EFCAB5: variants seen among roughly 807,000 people sequenced by gnomAD.
The protein encoded by EFCAB5 is EF-hand calcium-binding domain-containing protein 5.
Under a neutral mutation model 167.9 loss-of-function variants are expected in EFCAB5, and 131 were observed. The observed-to-expected ratio is 0.78, with a 90% CI of 0.68 to 0.90. The LOEUF (loss-of-function observed/expected upper bound fraction) is 0.90, where lower values mean the gene tolerates loss of function less well. EFCAB5 is among the 40% of genes least tolerant of loss of function. The pLI, the probability that EFCAB5 is intolerant of heterozygous loss-of-function variation, is 0.00. For missense variants in EFCAB5, 1,663 were observed against 1,745.2 expected (o/e 0.95, Z 0.84); for synonymous variants, 574 against 602.8 (o/e 0.95, Z 0.70).
chr17:30,089,575 T>C lies in EFCAB5; in HGVS notation c.3684-846T>C, dbSNP rs139255109. 1.7e-3 allele frequency among the ~76,000 whole-genome samples: 252 copies of C among 152,120 alleles called. 3 individuals carry two copies. The highest frequency in any genetic ancestry group is 0.016 in the Admixed American group (239 of 15,282). On this transcript the variant is annotated intron_variant, in intron 19 of 22. Transcript: ENST00000394835. ...ACCACATTTCCATGAAAATCTCAAG[T>C]CTCTCACTGAGGCAGATGCTATAGA...
chr17:29,992,019 CA>C (rs2068431571), intron 4 of EFCAB5, among the ~76,000 whole-genome samples: 1 of 152,098 alleles, frequency 6.6e-6, no homozygotes, highest in South Asian at 2.1e-4. Flanking sequence ...AAATACATAT[CA>C]TTTTTTTGTG....
intron 7 of EFCAB5, among the ~76,000 whole-genome samples, chr17:30,024,121 T>C (rs1406411465): frequency 6.6e-6 from 1 of 152,032 alleles, no homozygotes; most frequent in Non-Finnish European, 1.5e-5. Flanking sequence ...AAAACTGGCA[T>C]AAGACAGGGA....
Position 29,994,059 on chromosome 17 carries a change from A to G in EFCAB5, c.924+738A>G, listed in dbSNP as rs1163030591. ...GTCGAAGCTGCACTGAGCCATGATC[A>G]TGCCACTGCACTCCAGCCTGGGGAA... On this transcript the variant is annotated intron_variant, in intron 5 of 22. Coordinates refer to ENST00000394835, the MANE Select transcript of EFCAB5 (RefSeq NM_198529.4). Among the ~76,000 whole-genome samples, 5 of 147,938 alleles carry G rather than the reference A, an allele frequency of 3.4e-5. No individual in the cohort carries two copies. In the East Asian group the frequency reaches 8.1e-4, roughly 24 times the overall value.
intron 9 of EFCAB5, 37 bp from the exon 10 acceptor site, chr17:30,053,218 T>A (rs2070149891): frequency 6.5e-7 from 1 of 1,545,160 alleles, no homozygotes; most frequent in Non-Finnish European, 8.7e-7. Flanking sequence ...CATTATAAGA[T>A]CAATGGTTTA....
At position 30,082,930 on chromosome 17, in the gene EFCAB5, C is replaced by A. The variant is rs1298434644; in HGVS notation, c.3466C>A (p.His1156Asn). 1.2e-6 allele frequency: 2 copies of A among 1,613,918 alleles called. No homozygotes were observed. Among genetic ancestry groups the A allele is most frequent in the Non-Finnish European group, 1.7e-6 (2 of 1,179,870 alleles). The change falls in exon 18 of 23, where the codon CAC (histidine) becomes AAC (asparagine). Residue 1156 changes from histidine to asparagine, a missense_variant. By Grantham distance (68) the His-to-Asn change is moderately conservative. Transcript: ENST00000394835. ...NVFSTAYHYV[H>N]SREHILHIVI... ...CTTTAGCACTGCCTATCACTACGTC[C>A]ACAGCCGGGAGCACATTCTGCATAT...
rs77924932 is a variant in EFCAB5 at position 29,968,338 on chromosome 17, C to T, written c.191-453C>T. 335 of 454,064 alleles carry T rather than the reference C, an allele frequency of 7.4e-4. 2 individuals are homozygous for T. In the East Asian group the frequency reaches 0.015, roughly 21 times the overall value. The allele number at this position is 454,064 out of a possible 1,614,324, so 28.1% of individuals were successfully genotyped here. A position where few individuals can be genotyped will look rare whatever the true frequency, so the allele number is the denominator to read the frequency against. ...TCCCTTTACCAGCGATTGGTCTGGG[C>T]GTGGGCATGTATCCTAGTTAGGGCA... On this transcript the variant is annotated intron_variant, in intron 3 of 22. Transcript: ENST00000394835.
intron 7 of EFCAB5, among the ~76,000 whole-genome samples, chr17:30,027,430 A>G (rs1039654012): frequency 2.0e-5 from 3 of 147,936 alleles, no homozygotes; most frequent in African/African-American, 7.5e-5. Flanking sequence ...TTTATACTTT[A>G]TTAGGTGTGG....
intron 19 of EFCAB5, among the ~76,000 whole-genome samples, chr17:30,088,631 A>C (rs996254020): frequency 1.3e-5 from 2 of 152,240 alleles, no homozygotes; most frequent in African/African-American, 2.4e-5. Flanking sequence ...CTCACTTGTC[A>C]AATGCAAGGA....
intron 7 of EFCAB5, among the ~76,000 whole-genome samples, chr17:30,015,731 A>C (rs2069019936): frequency 6.9e-6 from 1 of 145,086 alleles, no homozygotes; most frequent in Admixed American, 6.8e-5. Context: ...GCACCTTTTC[A>C]TGTTCTTATT....
chr17:30,084,805 T>C (rs1306426339), intron 18 of EFCAB5, among the ~76,000 whole-genome samples: 1 of 152,150 alleles, frequency 6.6e-6, no homozygotes, highest in Non-Finnish European at 1.5e-5. Context: ...CAATGACAGC[T>C]GCCAACAGGA....
intron 7 of EFCAB5, among the ~76,000 whole-genome samples, chr17:30,023,042 G>C (rs1165438128): frequency 6.6e-6 from 1 of 151,560 alleles, no homozygotes; most frequent in Admixed American, 6.6e-5. Flanking sequence ...TGTGTAGAGG[G>C]AAATTTATAG....
chr17:30,054,122 C>T lies in EFCAB5; in HGVS notation c.2168C>T (p.Thr723Ile), dbSNP rs1279879191. 14 of 1,566,408 alleles carry T rather than the reference C, an allele frequency of 8.9e-6. No individual in the cohort carries two copies. Among genetic ancestry groups the T allele is most frequent in the African/African-American group, 4.1e-5 (3 of 73,286 alleles). The change falls in exon 10 of 23, where the codon ACC becomes ATC. Residue 723 changes from threonine (T) to isoleucine (I), a missense_variant. Thr to Ile is a moderately conservative substitution (Grantham distance 89). Transcript: ENST00000394835. ...LSSELQEEVP[T>I]LSRKDHFPET... ...TCTGAACTGCAAGAGGAAGTTCCAA[C>T]CTTAAGCAGAAAAGATCACTTTCCA...
intron 4 of EFCAB5, among the ~76,000 whole-genome samples, chr17:29,975,502 C>T (rs964109553): frequency 5.3e-5 from 8 of 152,110 alleles, no homozygotes; most frequent in African/African-American, 1.4e-4. Context: ...GGTGATCTAC[C>T]CACCTCGGCC....
intron 14 of EFCAB5, chr17:30,068,739 G>A (rs1285978897): frequency 6.8e-7 from 1 of 1,461,176 alleles, no homozygotes; most frequent in African/African-American, 1.4e-5. Flanking sequence ...GCCGGGATGA[G>A]CTGTTCCGCA....
At position 30,078,381 on chromosome 17, in the gene EFCAB5, C is replaced by G. The variant is rs2070912401; in HGVS notation, c.2904C>G (p.Ser968Arg). The part of the protein sequence containing the change: ...VEFLMNALER[S>R]HIESLRNSAR... ...TTCTGATGAATGCTTTAGAGAGGAG[C>G]CACATTGAGAGTCTGAGGAATTCTG... The change falls in exon 15 of 23, where the codon AGC (serine) becomes AGG (arginine). Residue 968 changes from serine (S) to arginine (R), a missense_variant. By Grantham distance (110) the Ser-to-Arg change is moderately radical. Transcript: ENST00000394835. 16 of 1,613,822 alleles carry G rather than the reference C, an allele frequency of 9.9e-6. No individual in the cohort carries two copies. The highest frequency in any genetic ancestry group is 1.4e-5 in the Non-Finnish European group (16 of 1,179,896).
Position 30,068,844 on chromosome 17 carries a change from A to C in EFCAB5, c.2737+9143A>C, listed in dbSNP as rs547045711. On this transcript the variant is annotated intron_variant, in intron 14 of 22. Transcript: ENST00000394835. Reference sequence around the variant, plus strand: ...GAGATTTTCTTCTGGAACACAGGAAAGATTATATTAATGCTTATAGCCATA... The same window carrying C: ...GAGATTTTCTTCTGGAACACAGGAACGATTATATTAATGCTTATAGCCATA... 1.3e-5 allele frequency: 18 copies of C among 1,411,600 alleles called. No homozygotes were observed. In the African/African-American group the frequency reaches 1.5e-4, roughly 12 times the overall value. 87.4% of individuals were successfully genotyped at this position (1,411,600 alleles called of 1,614,324 possible). A position where few individuals can be genotyped will look rare whatever the true frequency, so the allele number is the denominator to read the frequency against.
At chr17:30,075,305 C>T (rs2070847041) in intron 14 of EFCAB5, among the ~76,000 whole-genome samples, 2 of 152,276 alleles carry the variant, frequency 1.3e-5, no homozygotes, top group South Asian at 4.1e-4. Context: ...CCTCCTTACT[C>T]TGCTTAGGTT....
intron 4 of EFCAB5, among the ~76,000 whole-genome samples, chr17:29,976,650 T>C (rs974898796): frequency 4.6e-5 from 7 of 152,212 alleles, no homozygotes; most frequent in Admixed American, 1.3e-4. Context: ...TGCAAAGCCT[T>C]AGAAAAGTCC....
intron 7 of EFCAB5, among the ~76,000 whole-genome samples, chr17:30,014,788 G>A (rs1400004618): frequency 6.6e-6 from 1 of 152,096 alleles, no homozygotes; most frequent in Non-Finnish European, 1.5e-5. Flanking sequence ...GGAGCATTTA[G>A]CCCATTTACA....
Sources: allele counts gnomAD v4.1 joint callset (sites outside exome capture counted in the v4.1 genomes callset), GRCh38; gene constraint gnomAD v4.1.1; transcripts MANE v1.5; gene names NCBI Gene and HGNC (gene_info 2026-07-23, HGNC 2026-07-21).